The following OAS3 variants were observed in gnomAD, a reference collection of about 807,000 sequenced individuals.
The protein encoded by OAS3 is 2'-5'-oligoadenylate synthetase 3.
In OAS3, 107 loss-of-function variants were observed where a neutral mutation model predicts 113.0. The observed-to-expected ratio is 0.95, with a 90% confidence interval of 0.81 to 1.11. OAS3 has a LOEUF of 1.11. OAS3 is among the 50% of genes most tolerant of loss of function. The pLI is 0.00. For missense variants in OAS3, 1,258 were observed against 1,389.1 expected (o/e 0.91, Z 1.50); for synonymous variants, 552 against 573.6 (o/e 0.96, Z 0.54).
chr12:112,957,036 A>G (rs1444093452), intron 7 of OAS3, among the ~76,000 whole-genome samples: 1 of 152,188 alleles, frequency 6.6e-6, no homozygotes, highest in Non-Finnish European at 1.5e-5. Context: ...TTGGGCGCAT[A>G]TATATTTAGG....
chr12:112,970,164 C>G lies in OAS3; in HGVS notation c.*191C>G, dbSNP rs2043972325. 2 of 680,574 alleles carry G rather than the reference C, an allele frequency of 2.9e-6. No individual in the cohort carries two copies. The highest frequency in any genetic ancestry group is 2.3e-5 in the Admixed American group (1 of 43,978). The allele number at this position is 680,574 out of a possible 1,614,324, so 42.2% of individuals were successfully genotyped here. Reference sequence around the variant, plus strand: ...TCTGCTCTCCCAGCTCACACACTCCCCTGCCTCCCATGGCTTACACACTAG... The same window carrying G: ...TCTGCTCTCCCAGCTCACACACTCCGCTGCCTCCCATGGCTTACACACTAG... On this transcript the variant is annotated 3_prime_UTR_variant, in exon 16 of 16. Coordinates refer to ENST00000228928, the MANE Select transcript of OAS3 (RefSeq NM_006187.4).
intron 6 of OAS3, among the ~76,000 whole-genome samples, chr12:112,950,040 A>G (rs1474161547): frequency 6.6e-6 from 1 of 152,052 alleles, no homozygotes; most frequent in East Asian, 1.9e-4. Context: ...ATAAATAAAA[A>G]TAAAATTGCA....
rs2043737584 is a variant in OAS3 at position 112,946,938 on chromosome 12, C to G, written c.832C>G (p.Pro278Ala). 6.2e-7 allele frequency: 1 copy of G among 1,613,988 alleles called. No homozygotes were observed. The highest frequency in any genetic ancestry group is 1.7e-5 in the Admixed American group (1 of 60,022). The change falls in exon 4 of 16, where the codon CCT (proline) becomes GCT (alanine). Residue 278 changes from proline (P) to alanine (A), a missense_variant. By Grantham distance (27) the Pro-to-Ala change is conservative (BLOSUM62 -1). Coordinates refer to ENST00000228928, the MANE Select transcript of OAS3 (RefSeq NM_006187.4). ...FWTVNYGFED[P>A]AVGQFLQRQL... ...GACTGTCAACTATGGCTTCGAGGAC[C>G]CTGCAGTTGGGCAGTTCTTGCAGCG...
intron 2 of OAS3, among the ~76,000 whole-genome samples, chr12:112,943,014 T>C (rs555135289): frequency 2.2e-3 from 332 of 152,036 alleles, no homozygotes; most frequent in African/African-American, 7.8e-3. Context: ...CTTGGCTCAC[T>C]GCAACCTCCG....
At chr12:112,953,701 C>T (rs2043810742) in intron 7 of OAS3, among the ~76,000 whole-genome samples, 4 of 152,060 alleles carry the variant, frequency 2.6e-5, no homozygotes, top group Admixed American at 1.3e-4. Flanking sequence ...GAGATGGTAT[C>T]TCATTGTGGT....
chr12:112,963,575 T>G lies in OAS3; in HGVS notation c.2229+118T>G. The stretch of plus-strand genomic sequence containing the variant: ...AGGAGTGTTGGTGGCTGACAACTCA[T>G]AGCCACCCCTTCTCTGGAGACTTGC... On this transcript the variant is annotated intron_variant, in intron 10 of 15. Transcript: ENST00000228928. The surrounding 1 kb of genome is among the most constrained non-coding windows in gnomAD (Gnocchi z 4.6). The G allele has an allele frequency of 1.0e-6, 1 of 983,568 alleles. No homozygotes were observed. The highest frequency in any genetic ancestry group is 1.4e-6 in the Non-Finnish European group (1 of 716,204). 60.9% of individuals were successfully genotyped at this position (983,568 alleles called of 1,614,324 possible). A position where few individuals can be genotyped will look rare whatever the true frequency, so the allele number is the denominator to read the frequency against.
chr12:112,963,501 C>T lies in OAS3; in HGVS notation c.2229+44C>T. 1 of 1,429,288 alleles carries T rather than the reference C, an allele frequency of 7.0e-7. No homozygotes were observed. 88.5% of individuals were successfully genotyped at this position (1,429,288 alleles called of 1,614,324 possible). A position where few individuals can be genotyped will look rare whatever the true frequency, so the allele number is the denominator to read the frequency against. ...GGGGGCAGGGGGCCCTGCACCCTGCCTTCTAGTCAGGTTCCCTTAACCTGC... is the reference window on the plus strand; with the variant it reads ...GGGGGCAGGGGGCCCTGCACCCTGCTTTCTAGTCAGGTTCCCTTAACCTGC... On this transcript the variant is annotated intron_variant, in intron 10 of 15. Coordinates refer to ENST00000228928, the MANE Select transcript of OAS3 (RefSeq NM_006187.4). This position sits in a 1 kb window ranked among gnomAD's most constrained non-coding sequence, Gnocchi z 4.6.
In OAS3 at chr12:112,944,564, C is replaced by A; in HGVS notation, c.549C>A (p.Cys183Ter). ...GCCAAGGGGGCGAGCATGCGGCCTG[C>A]TTCACAGAGCTGCGGAGGAACTTTG... ...SGCQGGEHAA[C>*]FTELRRNFVN... Residue 183 changes from cysteine (C) to a stop codon, truncating the protein, a stop_gained, in exon 3 of 16, where the codon TGC becomes TGA. Transcript: ENST00000228928. LOFTEE classifies it high-confidence loss of function. 6.2e-7 allele frequency: 1 copy of A among 1,614,072 alleles called. No individual in the cohort carries two copies. Among genetic ancestry groups the A allele is most frequent in the African/African-American group, 1.3e-5 (1 of 75,064 alleles).
rs887886751 is a variant in OAS3, at chr12:112,957,831, G to A, written c.1658-3240G>A. 5.9e-5 allele frequency among the ~76,000 whole-genome samples: 9 copies of A among 152,076 alleles called. No individual in the cohort carries two copies. In the East Asian group the frequency reaches 7.7e-4, roughly 13 times the overall value. On this transcript the variant is annotated intron_variant, in intron 7 of 15. Transcript: ENST00000228928. The stretch of plus-strand genomic sequence containing the variant: ...TATGTGTCTTGGAGTTGGTCTTCTC[G>A]AGGAGTATCTTTGTGGTGTTCTCTG...
At chr12:112,961,279 C>T in intron 8 of OAS3, 33 bp downstream of exon 8, 2 of 1,601,450 alleles carry the variant, frequency 1.2e-6, no homozygotes, top group East Asian at 2.2e-5. Context: ...CAGGAAGCCA[C>T]CACTGTCATG....
chr12:112,969,528 G>A, intron 14 of OAS3, 80 bp from the exon 15 acceptor site: 2 of 1,514,198 alleles, frequency 1.3e-6, no homozygotes, highest in Admixed American at 2.0e-5. Context: ...TAGATAAAAG[G>A]GGAAAATAGT....
In OAS3 at chr12:112,942,104, C is replaced by G. The variant is rs895655121; in HGVS notation, c.460+252C>G. On this transcript the variant is annotated intron_variant, in intron 2 of 15. Transcript: ENST00000228928. ...CTCCCACAGGCATCTGGGAGTTTCC[C>G]TCAGCCACTGCCTGGAGCGGTTACT... is the stretch of plus-strand genomic sequence containing the variant. 4 of 601,518 alleles carry G rather than the reference C, an allele frequency of 6.6e-6. No individual in the cohort carries two copies. The Admixed American group carries it at 8.8e-5, about 13-fold the overall frequency. 37.3% of individuals were successfully genotyped at this position (601,518 alleles called of 1,614,324 possible). A position where few individuals can be genotyped will look rare whatever the true frequency, so the allele number is the denominator to read the frequency against.
chr12:112,943,708 T>TA (rs35843753), intron 2 of OAS3, among the ~76,000 whole-genome samples: 2 of 152,008 alleles, frequency 1.3e-5, no homozygotes, highest in South Asian at 2.1e-4. Context: ...CAGTATGCAG[T>TA]AAAAAAAATA....
At position 112,954,712 on chromosome 12, in the gene OAS3, T is replaced by C. The variant is rs917812892; in HGVS notation, c.1657+3737T>C. On this transcript the variant is annotated intron_variant, in intron 7 of 15. Coordinates refer to ENST00000228928, the MANE Select transcript of OAS3 (RefSeq NM_006187.4). The surrounding 1 kb of genome is among the most constrained non-coding windows in gnomAD (Gnocchi z 4.0). ...ATATCTCTGTTTTGGTACAGTACCA[T>C]GCTGTTTTGGTTACTGTAGTATAGT... Among the ~76,000 whole-genome samples the C allele has an allele frequency of 1.3e-5, 2 of 152,214 alleles. No homozygotes were observed. Among genetic ancestry groups the C allele is most frequent in the Non-Finnish European group, 2.9e-5 (2 of 68,038 alleles).
intron 10 of OAS3, 140 bp from the exon 11 acceptor site, chr12:112,964,095 G>A (rs2043912478): frequency 2.3e-6 from 2 of 859,536 alleles, no homozygotes; most frequent in Non-Finnish European, 3.5e-6. Flanking sequence ...TGCTACCTCA[G>A]AACCTACCCA....
chr12:112,944,615 G>T lies in OAS3; in HGVS notation c.600G>T (p.Lys200Asn), dbSNP rs578144843. The stretch of plus-strand genomic sequence containing the variant: ...TGAACATTCGCCCAGCCAAGTTGAA[G>T]AACCTAATCTTGCTGGTGAAGCACT... The part of the protein sequence containing the change: ...NFVNIRPAKL[K>N]NLILLVKHWY... Residue 200 changes from lysine to asparagine, a missense_variant, in exon 3 of 16, where the codon AAG becomes AAT. By Grantham distance (94) the Lys-to-Asn change is moderately conservative. Transcript: ENST00000228928. 3.1e-5 allele frequency: 50 copies of T among 1,614,092 alleles called. No homozygotes were observed. Among genetic ancestry groups the T allele is most frequent in the Non-Finnish European group, 4.0e-5 (47 of 1,179,908 alleles).
Position 112,944,493 on chromosome 12 carries a change from G to T in OAS3, c.478G>T (p.Val160Phe). 6.2e-7 allele frequency: 1 copy of T among 1,614,010 alleles called. No individual in the cohort carries two copies. The highest frequency in any genetic ancestry group is 8.5e-7 in the Non-Finnish European group (1 of 1,179,896). ...ACCAACAGGTCAGGCCGGCTCCGGC[G>T]TCAAACCCAAGCCACAAGTCTACTC... Reference protein sequence around the residue: ...FNVLGQAGSGVKPKPQVYSTL... With the variant: ...FNVLGQAGSGFKPKPQVYSTL... The change falls in exon 3 of 16, where the codon GTC becomes TTC. Residue 160 changes from valine to phenylalanine, a missense_variant. Physicochemically the swap from Val to Phe is conservative, Grantham distance 50 (BLOSUM62 -1). Coordinates refer to ENST00000228928, the MANE Select transcript of OAS3 (RefSeq NM_006187.4).
chr12:112,948,836 G>T (rs1290314144), intron 5 of OAS3, 25 bp from the exon 6 acceptor site: 1 of 1,525,934 alleles, frequency 6.6e-7, no homozygotes, highest in Admixed American at 2.0e-5. Flanking sequence ...GCCTGGCTGA[G>T]GCAGCTCCTT....
chr12:112,947,767 A>C (rs1474054570), intron 4 of OAS3, among the ~76,000 whole-genome samples, 179 bp from the exon 5 acceptor site: 1 of 152,228 alleles, frequency 6.6e-6, no homozygotes, highest in Non-Finnish European at 1.5e-5. Context: ...GTTGACAATG[A>C]TAAGCAGGCA....
Sources: gnomAD v4.1 joint callset for allele counts (sites outside exome capture counted in the v4.1 genomes callset) on GRCh38, gnomAD v4.1.1 for gene constraint, Gnocchi (gnomAD v3.1) non-coding constraint, MANE v1.5 for transcripts, NCBI Gene and HGNC (gene_info 2026-07-23, HGNC 2026-07-21) for gene names.